Variants in ADD2 observed in about 807,000 individuals in gnomAD.
The protein encoded by ADD2 is beta-adducin.
A neutral mutation model predicts 83.0 loss-of-function variants in ADD2; 23 were observed. The ratio of observed to expected loss-of-function variants is 0.28; its 90% CI spans 0.20 to 0.39. The LOEUF (loss-of-function observed/expected upper bound fraction) is 0.39. Ranked by LOEUF, ADD2 falls within the 10% of genes least tolerant of loss-of-function variation. ADD2 has a pLI of 1.00. For synonymous variants in ADD2, 375 were observed against 375.4 expected, an observed-to-expected ratio of 1.00 and a Z score of 0.01; for missense variants, 758 against 944.9, an observed-to-expected ratio of 0.80 and a Z score of 2.59.
chr2:70,733,803 T>G (rs1673392525), intron 1 of ADD2, among the ~76,000 whole-genome samples: 1 of 152,190 alleles, frequency 6.6e-6, no homozygotes. Context: ...GTTTTAATAT[T>G]GTTAATAATA....
chr2:70,663,577 C>T lies in ADD2; in HGVS notation c.2029G>A (p.Val677Ile), dbSNP rs370192988. ...TCGGTTTTGTCCTTAGAGGTATCAA[C>T]ATCCGTGTCAGCACTGGTGGTCATC... is the stretch of plus-strand genomic sequence containing the variant. ...SQMTTSADTD[V>I]DTSKDKTESV... The change falls in exon 16 of 16, where the codon GTT becomes ATT. Residue 677 changes from valine (V) to isoleucine (I), a missense_variant. This residue lies in a region of ADD2 where 165 missense variants were observed against 176.2 expected (regional missense o/e 0.94). Coordinates refer to ENST00000264436, the MANE Select transcript of ADD2 (RefSeq NM_001617.4). 1.9e-6 allele frequency: 3 copies of T among 1,614,034 alleles called. No individual in the cohort carries two copies. The highest frequency in any genetic ancestry group is 2.7e-5 in the African/African-American group (2 of 74,890).
At chr2:70,759,805 A>G (rs1674988288) in intron 1 of ADD2, among the ~76,000 whole-genome samples, 1 of 152,146 alleles carries the variant, frequency 6.6e-6, no homozygotes. Flanking sequence ...AGCCTTGGAT[A>G]TTCCTTCATA....
intron 8 of ADD2, among the ~76,000 whole-genome samples, chr2:70,689,313 G>A (rs1553371093): frequency 6.6e-6 from 1 of 152,194 alleles, no homozygotes; most frequent in African/African-American, 2.4e-5. Flanking sequence ...TTACTCTCAA[G>A]AACTCTCTGG....
At position 70,757,289 on chromosome 2, in the gene ADD2, G is replaced by T. The variant is rs543582677; in HGVS notation, c.-154+10597C>A. Among the ~76,000 whole-genome samples, 3 of 140 alleles carry T rather than the reference G, an allele frequency of 0.021. No individual in the cohort carries two copies. The East Asian group carries it at 0.5, about 23-fold the overall frequency. 0.1% of individuals were successfully genotyped at this position (140 alleles called of 152,430 possible). A position where few individuals can be genotyped will look rare whatever the true frequency, so the allele number is the denominator to read the frequency against. On this transcript the variant is annotated intron_variant, in intron 1 of 15. Coordinates refer to ENST00000264436, the MANE Select transcript of ADD2 (RefSeq NM_001617.4). The stretch of plus-strand genomic sequence containing the variant: ...GTTTGCCTGTGGATAAGGGATTTGT[G>T]GGGGGGGGGGATTTGTACAGGGATT...
At chr2:70,704,839 G>A (rs1361968952) in intron 3 of ADD2, among the ~76,000 whole-genome samples, 1 of 152,120 alleles carries the variant, frequency 6.6e-6, no homozygotes, top group Non-Finnish European at 1.5e-5. Context: ...CTCCATTAGC[G>A]ATGCCTGTGA....
chr2:70,706,870 G>A lies in ADD2; in HGVS notation c.-34-428C>T, dbSNP rs781811459. Among the ~76,000 whole-genome samples, 1 of 152,164 alleles carries A rather than the reference G, an allele frequency of 6.6e-6. No individual in the cohort carries two copies. The highest frequency in any genetic ancestry group is 1.5e-5 in the Non-Finnish European group (1 of 68,036). ...CTAATAAGGCCCCTCAAAAATTATGGTGGAAATAGCTAATGCATGCTGGGC... is the reference window on the plus strand; with the variant it reads ...CTAATAAGGCCCCTCAAAAATTATGATGGAAATAGCTAATGCATGCTGGGC... On this transcript the variant is annotated intron_variant, in intron 2 of 15. Transcript: ENST00000264436. This position sits in a 1 kb window ranked among gnomAD's most constrained non-coding sequence, Gnocchi z 5.0.
chr2:70,706,295 C>T lies in ADD2; in HGVS notation c.114G>A (p.Ala38=), dbSNP rs1553374413. The T allele has an allele frequency of 6.2e-7, 1 of 1,614,106 alleles. No homozygotes were observed. Among genetic ancestry groups the T allele is most frequent in the East Asian group, 2.2e-5 (1 of 44,876 alleles). ...GGTTGAAGTCCTGCCGCAGGTCCGC[C>T]GCCCGGTTGCGAAGGCGCATGTACT... ...DPEYMRLRNR[A]ADLRQDFNLM... Residue 38 remains alanine (A), a synonymous_variant, in exon 3 of 16, where the codon GCG becomes GCA. Coordinates refer to ENST00000264436, the MANE Select transcript of ADD2 (RefSeq NM_001617.4). This position sits in a 1 kb window ranked among gnomAD's most constrained non-coding sequence, Gnocchi z 5.0.
Position 70,690,891 on chromosome 2 carries a change from G to A in ADD2, c.744C>T (p.His248=), listed in dbSNP as rs370446087. ...AMKWGLLPVS[H]NALLVGDMAY... ...CCATGTCCCCCACCAGCAGGGCATT[G>A]TGGGAGACAGGCAGGAGGCCCCACT... The change falls in exon 8 of 16, where the codon CAC becomes CAT. Residue 248 remains histidine (H), a synonymous_variant. Transcript: ENST00000264436. 34 of 1,613,800 alleles carry A rather than the reference G, an allele frequency of 2.1e-5. No homozygotes were observed. Among genetic ancestry groups the A allele is most frequent in the Non-Finnish European group, 2.5e-5 (30 of 1,179,958 alleles).
chr2:70,695,366 T>A (rs777759361), intron 6 of ADD2, among the ~76,000 whole-genome samples: 3 of 152,068 alleles, frequency 2.0e-5, no homozygotes, highest in Non-Finnish European at 4.4e-5. Flanking sequence ...TGGACAAATC[T>A]CGTGCTGCTT....
At chr2:70,668,878 G>T (rs577949794) in intron 15 of ADD2, among the ~76,000 whole-genome samples, 3 of 152,192 alleles carry the variant, frequency 2.0e-5, no homozygotes, top group Non-Finnish European at 4.4e-5. Context: ...CTAGAAACAG[G>T]ATTTGCTGAC....
At chr2:70,715,306 C>A (rs530865514) in intron 1 of ADD2, among the ~76,000 whole-genome samples, 4 of 152,196 alleles carry the variant, frequency 2.6e-5, no homozygotes, top group East Asian at 1.9e-4. Flanking sequence ...CCAGACAGAA[C>A]CCTCTGAGCC....
intron 8 of ADD2, among the ~76,000 whole-genome samples, chr2:70,689,445 T>G (rs1257384830): frequency 6.6e-5 from 10 of 152,242 alleles, no homozygotes; most frequent in African/African-American, 2.4e-4. Flanking sequence ...TGAAAACAGC[T>G]GGTATTTTTT....
At chr2:70,715,278 G>A (rs1264234883) in intron 1 of ADD2, among the ~76,000 whole-genome samples, 2 of 152,136 alleles carry the variant, frequency 1.3e-5, no homozygotes, top group Non-Finnish European at 2.9e-5. Flanking sequence ...CATCCTGGGG[G>A]AGTTTAGATA....
chr2:70,738,553 C>A (rs182945579), intron 1 of ADD2, among the ~76,000 whole-genome samples: 2 of 152,324 alleles, frequency 1.3e-5, no homozygotes, highest in East Asian at 3.9e-4. Flanking sequence ...AACCTTCCCA[C>A]TGTGATATGG....
At position 70,663,068 on chromosome 2, in the gene ADD2, C is replaced by T. The variant is rs782744464; in HGVS notation, c.*357G>A. The T allele has an allele frequency of 2.1e-4, 44 of 212,694 alleles. No homozygotes were observed. The highest frequency in any genetic ancestry group is 3.9e-4 in the Non-Finnish European group (42 of 106,334). The allele number at this position is 212,694 out of a possible 1,614,324, so 13.2% of individuals were successfully genotyped here. A position where few individuals can be genotyped will look rare whatever the true frequency, so the allele number is the denominator to read the frequency against. On this transcript the variant is annotated 3_prime_UTR_variant, in exon 16 of 16. Coordinates refer to ENST00000264436, the MANE Select transcript of ADD2 (RefSeq NM_001617.4). Reference sequence around the variant, plus strand: ...TTTAGTCTGAGCCTGTGAGAGCTCACGGCCCATTTCTGGCCTTCTTGCCCT... The same window carrying T: ...TTTAGTCTGAGCCTGTGAGAGCTCATGGCCCATTTCTGGCCTTCTTGCCCT...
intron 10 of ADD2, among the ~76,000 whole-genome samples, chr2:70,680,533 T>G (rs762029021): frequency 6.6e-6 from 1 of 152,222 alleles, no homozygotes; most frequent in Non-Finnish European, 1.5e-5. Flanking sequence ...TTTTGTCAAG[T>G]CCTCATACCT....
Position 70,768,042 on chromosome 2 carries a change from C to A in ADD2, c.-310G>T, listed in dbSNP as rs1574343076. The stretch of plus-strand genomic sequence containing the variant: ...CTGCAGCCCGCGCTCGTCAGAGCTG[C>A]TGGGAGATCCCCCAGCAGTGCAGCG... On this transcript the variant is annotated 5_prime_UTR_variant, in exon 1 of 16. Transcript: ENST00000264436. 1.4e-6 allele frequency: 2 copies of A among 1,437,318 alleles called. No individual in the cohort carries two copies. Among genetic ancestry groups the A allele is most frequent in the East Asian group, 5.0e-5 (2 of 40,074 alleles). 89.0% of individuals were successfully genotyped at this position (1,437,318 alleles called of 1,614,324 possible).
chr2:70,707,406 G>A (rs1671960068), intron 2 of ADD2, among the ~76,000 whole-genome samples: 1 of 152,274 alleles, frequency 6.6e-6, no homozygotes, highest in Non-Finnish European at 1.5e-5. Context: ...CCTCTGGAAA[G>A]TCAAGCTGGG....
chr2:70,725,415 T>A (rs1672937850), intron 1 of ADD2, among the ~76,000 whole-genome samples: 1 of 152,040 alleles, frequency 6.6e-6, no homozygotes, highest in South Asian at 2.1e-4. Flanking sequence ...AAAATATATA[T>A]ATATATATGT....
Sources: gnomAD v4.1 joint callset for allele counts (sites outside exome capture counted in the v4.1 genomes callset) on GRCh38, gnomAD v4.1.1 for gene constraint, gnomAD v4.1.1 regional missense constraint, Gnocchi (gnomAD v3.1) non-coding constraint, MANE v1.5 for transcripts, NCBI Gene and HGNC (gene_info 2026-07-23, HGNC 2026-07-21) for gene names.